The following CSMD1 variants were observed in gnomAD, a reference collection of about 807,000 sequenced individuals.
The protein encoded by CSMD1 is CUB and sushi domain-containing protein 1.
In CSMD1, 213 loss-of-function variants were observed where a neutral mutation model predicts 417.5. That is an observed-to-expected ratio of 0.51 (90% CI 0.46 to 0.57). CSMD1 has a LOEUF of 0.57. Among genes scored for constraint, CSMD1 ranks in the 20% least tolerant of loss-of-function variants. The pLI is 0.00. For missense variants in CSMD1, 6,923 were observed against 4,529.7 expected (o/e 1.53, Z -15.17); for synonymous variants, 2,862 against 1,736.8 (o/e 1.65, Z -16.11).
At chr8:4,911,696 T>C (rs963595830) in intron 1 of CSMD1, among the ~76,000 whole-genome samples, 14 of 152,202 alleles carry the variant, frequency 9.2e-5, no homozygotes, top group African/African-American at 2.9e-4. Context: ...AATAAGTTTT[T>C]ATAACCACCC....
chr8:3,360,756 G>C (rs949188280), intron 20 of CSMD1, among the ~76,000 whole-genome samples: 9 of 152,030 alleles, frequency 5.9e-5, no homozygotes, highest in African/African-American at 1.2e-4. Flanking sequence ...ACCATCTTTA[G>C]GGTTCCCCTA....
intron 5 of CSMD1, among the ~76,000 whole-genome samples, chr8:3,769,158 C>A (rs187382579): frequency 1.3e-5 from 2 of 152,302 alleles, no homozygotes; most frequent in Admixed American, 6.5e-5. Context: ...TGAAAACTTA[C>A]AATTTCCCCT....
chr8:3,266,836 A>G (rs1219525158), intron 26 of CSMD1, among the ~76,000 whole-genome samples: 1 of 151,586 alleles, frequency 6.6e-6, no homozygotes, highest in African/African-American at 2.4e-5. Flanking sequence ...GGTGCATGGT[A>G]TTTATGACAG....
intron 7 of CSMD1, among the ~76,000 whole-genome samples, chr8:3,645,617 G>C (rs936948654): frequency 2.0e-5 from 3 of 152,166 alleles, no homozygotes; most frequent in East Asian, 3.9e-4. Flanking sequence ...GGGATCATGG[G>C]AAGAGTCGGC....
intron 26 of CSMD1, among the ~76,000 whole-genome samples, chr8:3,258,696 G>T (rs144970041): frequency 1.2e-3 from 179 of 152,306 alleles, no homozygotes; most frequent in African/African-American, 4.2e-3. Context: ...CAACCTAAAT[G>T]CCCATCAGTG....
intron 41 of CSMD1, among the ~76,000 whole-genome samples, chr8:3,123,759 T>C (rs969702840): frequency 6.6e-6 from 1 of 152,194 alleles, no homozygotes; most frequent in African/African-American, 2.4e-5. Context: ...CAGAATACAA[T>C]ATTAACAAGT....
At chr8:4,278,320 A>G (rs1796598138) in intron 3 of CSMD1, among the ~76,000 whole-genome samples, 1 of 152,198 alleles carries the variant, frequency 6.6e-6, no homozygotes, top group African/African-American at 2.4e-5. Context: ...AGTGCTGGTA[A>G]TCTACAAAAT....
At chr8:3,984,363 GTC>G (rs1346212825) in intron 5 of CSMD1, among the ~76,000 whole-genome samples, 1 of 152,142 alleles carries the variant, frequency 6.6e-6, no homozygotes, top group Non-Finnish European at 1.5e-5. Context: ...CAGATCATGA[GTC>G]TCTGTTTTCC....
At chr8:3,596,779 C>A (rs1801115357) in intron 8 of CSMD1, among the ~76,000 whole-genome samples, 1 of 104,040 alleles carries the variant, frequency 9.6e-6, no homozygotes. Flanking sequence ...CACACACAAA[C>A]ACACACACTC....
chr8:3,746,178 G>C (rs990588648), intron 6 of CSMD1, among the ~76,000 whole-genome samples: 1 of 152,230 alleles, frequency 6.6e-6, no homozygotes, highest in African/African-American at 2.4e-5. Flanking sequence ...CTGATACGCT[G>C]AAAAGAATAG....
At chr8:3,954,628 T>G (rs1164514095) in intron 5 of CSMD1, among the ~76,000 whole-genome samples, 1 of 152,200 alleles carries the variant, frequency 6.6e-6, no homozygotes, top group African/African-American at 2.4e-5. Flanking sequence ...TCCCAAAGTT[T>G]TGGGATTACA....
intron 1 of CSMD1, among the ~76,000 whole-genome samples, chr8:4,767,049 A>G (rs1173233352): frequency 6.6e-6 from 1 of 152,198 alleles, no homozygotes; most frequent in East Asian, 1.9e-4. Flanking sequence ...ACCTTTCAGG[A>G]AATACTGCTT....
At chr8:3,990,222 G>C (rs955562613) in intron 5 of CSMD1, among the ~76,000 whole-genome samples, 4 of 152,158 alleles carry the variant, frequency 2.6e-5, no homozygotes, top group African/African-American at 4.8e-5. Flanking sequence ...GTATTTCATA[G>C]TTGATGAAAT....
chr8:2,998,062 C>A lies in CSMD1; in HGVS notation c.8326G>T (p.Ala2776Ser), dbSNP rs1807072030. 1 of 1,614,004 alleles carries A rather than the reference C, an allele frequency of 6.2e-7. No homozygotes were observed. Among genetic ancestry groups the A allele is most frequent in the Non-Finnish European group, 8.5e-7 (1 of 1,179,870 alleles). Residue 2776 changes from alanine (A) to serine (S), a missense_variant, in exon 54 of 70, where the codon GCC becomes TCC. Ala to Ser is a moderately conservative substitution (Grantham distance 99, BLOSUM62 1). Coordinates refer to ENST00000635120, the MANE Select transcript of CSMD1 (RefSeq NM_033225.6). ...TGYLLQGVSR[A>S]QCRSNGQWSS... is the part of the protein sequence containing the mutation. ...CACTGGCCGTTGCTCCGACACTGGG[C>A]TCGAGACACGCCCTGCAGCAAATAG...
At chr8:4,183,848 C>A (rs1377109208) in intron 3 of CSMD1, among the ~76,000 whole-genome samples, 1 of 152,164 alleles carries the variant, frequency 6.6e-6, no homozygotes, top group Non-Finnish European at 1.5e-5. Flanking sequence ...TGCCCACCTA[C>A]CACTTAAAAC....
chr8:4,619,932 A>G (rs886632534), intron 2 of CSMD1, among the ~76,000 whole-genome samples: 1 of 152,096 alleles, frequency 6.6e-6, no homozygotes, highest in Non-Finnish European at 1.5e-5. Context: ...AAATATTAAT[A>G]ATACATTTAT....
chr8:3,849,842 G>A (rs1027148110), intron 5 of CSMD1, among the ~76,000 whole-genome samples: 1 of 152,140 alleles, frequency 6.6e-6, no homozygotes, highest in Non-Finnish European at 1.5e-5. Flanking sequence ...TTGTGATGGA[G>A]TCTCGCTCTG....
intron 5 of CSMD1, among the ~76,000 whole-genome samples, chr8:3,983,467 G>C (rs1459182556): frequency 6.6e-6 from 1 of 152,120 alleles, no homozygotes; most frequent in African/African-American, 2.4e-5. Context: ...TAAGTCACCA[G>C]GGTAGATATC....
intron 31 of CSMD1, among the ~76,000 whole-genome samples, chr8:3,204,680 C>A (rs1039137676): frequency 6.6e-5 from 10 of 152,146 alleles, no homozygotes; most frequent in African/African-American, 2.4e-4. Context: ...GTTAAAAATG[C>A]TTTATCTCAA....
Sources: gnomAD v4.1 joint callset for allele counts (sites outside exome capture counted in the v4.1 genomes callset) on GRCh38, gnomAD v4.1.1 for gene constraint, MANE v1.5 for transcripts, NCBI Gene and HGNC (gene_info 2026-07-23, HGNC 2026-07-21) for gene names.